Variants in ACVR1 observed in about 807,000 individuals in gnomAD.
ACVR1 encodes the protein activin A receptor type 1.
Under a neutral mutation model 57.1 loss-of-function variants are expected in ACVR1, and 38 were observed. The ratio of observed to expected loss-of-function variants is 0.67; its 90% confidence interval spans 0.51 to 0.87. The LOEUF (loss-of-function observed/expected upper bound fraction) is 0.87, where lower values mean the gene tolerates loss of function less well. Among genes scored for constraint, ACVR1 ranks in the 40% least tolerant of loss-of-function variants. The pLI is 0.00. For missense variants in ACVR1, 463 were observed against 638.2 expected, an observed-to-expected ratio of 0.73 and a Z score of 2.96; for synonymous variants, 212 against 228.1, an observed-to-expected ratio of 0.93 and a Z score of 0.63.
chr2:157,861,490 C>A (rs1244260069), intron 1 of ACVR1, among the ~76,000 whole-genome samples: 1 of 152,108 alleles, frequency 6.6e-6, no homozygotes. Flanking sequence ...AGGAATAGCA[C>A]CACGCATTTT....
intron 1 of ACVR1, among the ~76,000 whole-genome samples, chr2:157,835,820 T>A (rs140724135): frequency 4.1e-4 from 63 of 152,360 alleles, no homozygotes; most frequent in Admixed American, 6.5e-4. Flanking sequence ...ATAACCAGTA[T>A]GCAGATTACA....
At chr2:157,779,893 T>C (rs888130917) in intron 4 of ACVR1, among the ~76,000 whole-genome samples, 1 of 152,154 alleles carries the variant, frequency 6.6e-6, no homozygotes, top group Non-Finnish European at 1.5e-5. Context: ...TTCTTTTATC[T>C]CCTTCCTCAT....
chr2:157,786,249 A>G (rs1438240290), intron 3 of ACVR1, among the ~76,000 whole-genome samples: 1 of 152,232 alleles, frequency 6.6e-6, no homozygotes, highest in Non-Finnish European at 1.5e-5. Flanking sequence ...CCTTTCCTAT[A>G]GATTGTAAGC....
chr2:157,785,650 C>T (rs1244713917), intron 3 of ACVR1, among the ~76,000 whole-genome samples: 1 of 152,140 alleles, frequency 6.6e-6, no homozygotes, highest in African/African-American at 2.4e-5. Flanking sequence ...TTAGGGAACT[C>T]AAATCATTTT....
At chr2:157,772,268 G>C (rs904547310) in intron 6 of ACVR1, among the ~76,000 whole-genome samples, 4 of 152,086 alleles carry the variant, frequency 2.6e-5, no homozygotes, top group Non-Finnish European at 5.9e-5. Context: ...CCACAAAAAG[G>C]CTCCCTTAAG....
chr2:157,869,864 T>A (rs760570831), intron 1 of ACVR1, among the ~76,000 whole-genome samples: 11 of 152,214 alleles, frequency 7.2e-5, no homozygotes, highest in Non-Finnish European at 1.3e-4. Flanking sequence ...TCACTCTAGA[T>A]AACCACCTAC....
chr2:157,862,162 C>T (rs1180865990), intron 1 of ACVR1, among the ~76,000 whole-genome samples: 3 of 152,034 alleles, frequency 2.0e-5, no homozygotes, highest in Non-Finnish European at 2.9e-5. Flanking sequence ...TATTTCCTAC[C>T]AATCTTTTTT....
At chr2:157,839,571 G>C (rs1286480562) in intron 1 of ACVR1, among the ~76,000 whole-genome samples, 4 of 152,152 alleles carry the variant, frequency 2.6e-5, no homozygotes, top group Non-Finnish European at 2.9e-5. Context: ...GTTGAGAATA[G>C]CTGTCCAGCG....
intron 3 of ACVR1, among the ~76,000 whole-genome samples, chr2:157,791,122 A>G (rs1321480065): frequency 6.6e-6 from 1 of 152,214 alleles, no homozygotes; most frequent in Non-Finnish European, 1.5e-5. Flanking sequence ...TGTGGAATGC[A>G]GGCCTTTCCT....
At chr2:157,798,528 GGT>G (rs983625739) in intron 3 of ACVR1, among the ~76,000 whole-genome samples, 11 of 116,112 alleles carry the variant, frequency 9.5e-5, no homozygotes, top group African/African-American at 3.8e-4. Flanking sequence ...TTTTGGAGGG[GGT>G]GGGGGGTGGG....
rs535203048 is a variant in ACVR1, at chr2:157,849,344, T to C, written c.-183+26452A>G. ...CTCTATCAATATCAATCTTCAAAAT[T>C]TGCAGGGAAAAAATTGGAATTTCTG... On this transcript the variant is annotated intron_variant, in intron 1 of 10. Transcript: ENST00000434821. Among the ~76,000 whole-genome samples, 21 of 152,310 alleles carry C rather than the reference T, an allele frequency of 1.4e-4. No individual in the cohort carries two copies. The Middle Eastern group carries it at 0.017, about 123-fold the overall frequency.
At chr2:157,835,079 C>T (rs1017609675) in intron 1 of ACVR1, among the ~76,000 whole-genome samples, 1 of 152,152 alleles carries the variant, frequency 6.6e-6, no homozygotes, top group Non-Finnish European at 1.5e-5. Context: ...TGGACTAAAA[C>T]AATCCATATA....
At chr2:157,741,326 C>G (rs1684751191) in intron 9 of ACVR1, among the ~76,000 whole-genome samples, 1 of 152,028 alleles carries the variant, frequency 6.6e-6, no homozygotes, top group South Asian at 2.1e-4. Context: ...CGAGGCTGTG[C>G]TTGGCAGGAG....
At chr2:157,855,308 G>GTATA (rs1200907209) in intron 1 of ACVR1, among the ~76,000 whole-genome samples, 156 of 51,624 alleles carry the variant, frequency 3.0e-3, no homozygotes, top group Non-Finnish European at 4.1e-3. Context: ...GTGTGTGTGT[G>GTATA]TATATATATA....
At chr2:157,744,628 T>G (rs998058849) in intron 9 of ACVR1, among the ~76,000 whole-genome samples, 2 of 152,216 alleles carry the variant, frequency 1.3e-5, no homozygotes, top group Non-Finnish European at 2.9e-5. Context: ...GAGGGCAGTA[T>G]GAATGAATTG....
At chr2:157,827,626 T>C (rs1688433684) in intron 1 of ACVR1, among the ~76,000 whole-genome samples, 1 of 152,226 alleles carries the variant, frequency 6.6e-6, no homozygotes. Context: ...CAAATACTTG[T>C]TGGCCTATGA....
chr2:157,738,545 C>T lies in ACVR1; in HGVS notation c.1290G>A (p.Pro430=), dbSNP rs143068325. 57 of 1,613,992 alleles carry T rather than the reference C, an allele frequency of 3.5e-5. No individual in the cohort carries two copies. The highest frequency in any genetic ancestry group is 8.8e-5 in the South Asian group (8 of 91,084). ...GGTCATTGGGAACCACATCGTAGAACGGTGGCTTGTAATCCTCCACTATAC... is the reference window on the plus strand; with the variant it reads ...GGTCATTGGGAACCACATCGTAGAATGGTGGCTTGTAATCCTCCACTATAC... ...SNGIVEDYKP[P]FYDVVPNDPS... is the part of the protein sequence containing the mutation. Residue 430 remains proline, a synonymous_variant, in exon 10 of 11, where the codon CCG becomes CCA. Coordinates refer to ENST00000434821, the MANE Select transcript of ACVR1 (RefSeq NM_001111067.4).
chr2:157,837,493 C>T (rs903541593), intron 1 of ACVR1, among the ~76,000 whole-genome samples: 1 of 152,078 alleles, frequency 6.6e-6, no homozygotes, highest in African/African-American at 2.4e-5. Context: ...TTAAAAAAAA[C>T]TTTTAAATTT....
intron 9 of ACVR1, among the ~76,000 whole-genome samples, chr2:157,755,013 T>C (rs572680731): frequency 6.6e-6 from 1 of 152,190 alleles, no homozygotes; most frequent in African/African-American, 2.4e-5. Context: ...AAAAATCACA[T>C]GATCATCTCA....
Sources: gnomAD v4.1 joint callset for allele counts (sites outside exome capture counted in the v4.1 genomes callset) on GRCh38, gnomAD v4.1.1 for gene constraint, MANE v1.5 for transcripts, NCBI Gene and HGNC (gene_info 2026-07-23, HGNC 2026-07-21) for gene names.